The following TRIP13 variants were observed in gnomAD, a reference collection of about 807,000 sequenced individuals.
TRIP13 encodes thyroid hormone receptor interactor 13, also known as pachytene checkpoint protein 2 homolog.
Under a neutral mutation model 54.4 loss-of-function variants are expected in TRIP13, and 25 were observed. That is an observed-to-expected ratio of 0.46 (90% confidence interval 0.33 to 0.64). TRIP13 has a LOEUF of 0.64. Among genes scored for constraint, TRIP13 ranks in the 30% least tolerant of loss-of-function variants. TRIP13 has a pLI of 0.02. For synonymous variants in TRIP13, 207 were observed against 207.8 expected (o/e 1.00, Z 0.03); for missense variants, 373 against 534.2 (o/e 0.70, Z 2.97).
intron 6 of TRIP13, 118 bp downstream of exon 6, chr5:904,338 C>T: frequency 1.3e-6 from 1 of 783,106 alleles, no homozygotes; most frequent in Non-Finnish European, 2.0e-6. Context: ...CACTGTAAGT[C>T]ACTTGATTCC....
At chr5:905,595 A>G (rs915251309) in intron 6 of TRIP13, among the ~76,000 whole-genome samples, 5 of 151,378 alleles carry the variant, frequency 3.3e-5, no homozygotes, top group Non-Finnish European at 7.4e-5. Flanking sequence ...AAGTTAGAGC[A>G]TTTGTAGAGA....
chr5:900,146 G>A (rs1039276068), intron 3 of TRIP13, among the ~76,000 whole-genome samples: 2 of 152,198 alleles, frequency 1.3e-5, no homozygotes, highest in Admixed American at 6.5e-5. Context: ...TATGTTATAC[G>A]TCAATGGAAA....
intron 6 of TRIP13, among the ~76,000 whole-genome samples, chr5:906,347 CCTCA>C (rs1754115353): frequency 6.6e-6 from 1 of 151,516 alleles, no homozygotes; most frequent in Admixed American, 6.6e-5. Flanking sequence ...CAAGACTTTT[CCTCA>C]CTCTATCAAA....
chr5:903,853 C>T (rs540300347), intron 5 of TRIP13, among the ~76,000 whole-genome samples: 17 of 152,212 alleles, frequency 1.1e-4, no homozygotes, highest in Middle Eastern at 3.4e-3. Flanking sequence ...TGTTCATTCC[C>T]GACGCTAAGT....
In TRIP13 at chr5:914,530, T is replaced by G; in HGVS notation, c.1086T>G (p.Ile362Met). 1 of 1,613,782 alleles carries G rather than the reference T, an allele frequency of 6.2e-7. No individual in the cohort carries two copies. Among genetic ancestry groups the G allele is most frequent in the Non-Finnish European group, 8.5e-7 (1 of 1,179,968 alleles). Residue 362 changes from isoleucine to methionine, a missense_variant, in exon 11 of 13, where the codon ATT becomes ATG. Transcript: ENST00000166345. ...GAGAGCTAGAGATGATTGGCTTCAT[T>G]GAAAACAACGTGTCAAAATTGAGCC... is the stretch of plus-strand genomic sequence containing the variant. ...TLRELEMIGF[I>M]ENNVSKLSLL...
rs1289306413 is a variant in TRIP13 at position 912,691 on chromosome 5, C to T, written c.1020+695C>T. ...GGCCGTCGCCATGGGCACAGTGACG[C>T]GTGTGGTGAGTGTGCGTGAGTCTGG... On this transcript the variant is annotated intron_variant, in intron 10 of 12. Coordinates refer to ENST00000166345, the MANE Select transcript of TRIP13 (RefSeq NM_004237.4). The surrounding 1 kb of genome is among the most constrained non-coding windows in gnomAD (Gnocchi z 7.2). Among the ~76,000 whole-genome samples, 1 of 150,974 alleles carries T rather than the reference C, an allele frequency of 6.6e-6. No homozygotes were observed. The highest frequency in any genetic ancestry group is 2.4e-5 in the African/African-American group (1 of 40,948).
chr5:894,080 G>A (rs528075152), intron 1 of TRIP13, among the ~76,000 whole-genome samples: 1 of 152,286 alleles, frequency 6.6e-6, no homozygotes, highest in East Asian at 1.9e-4. Context: ...CACTATGCAT[G>A]GTGGTCGCTG....
chr5:915,916 CCT>C lies in TRIP13; in HGVS notation c.1148_1149del (p.Leu383GlnfsTer40), dbSNP rs1301748820. The C allele has an allele frequency of 6.2e-7, 1 of 1,614,084 alleles. No homozygotes were observed. On this transcript the variant is annotated frameshift_variant, in exon 12 of 13. Coordinates refer to ENST00000166345, the MANE Select transcript of TRIP13 (RefSeq NM_004237.4). LOFTEE classifies it high-confidence loss of function. This position sits in a 1 kb window ranked among gnomAD's most constrained non-coding sequence, Gnocchi z 4.2. ...LNDISRKSEG[L>X]SGRVLRKLPF... ...TTTCTTTACACAGGAAGAGCGAGGG[CCT>C]CAGCGGCCGGGTCCTGAGAAAACTC...
chr5:896,992 G>A (rs541071733), intron 3 of TRIP13, among the ~76,000 whole-genome samples, 198 bp downstream of exon 3: 2 of 152,356 alleles, frequency 1.3e-5, no homozygotes, highest in Admixed American at 6.5e-5. Context: ...CTGTTCCTTT[G>A]GGTGGGTACC....
chr5:911,714 A>G lies in TRIP13; in HGVS notation c.867-129A>G. 8.1e-7 allele frequency: 1 copy of G among 1,236,850 alleles called. No individual in the cohort carries two copies. The highest frequency in any genetic ancestry group is 1.6e-5 in the South Asian group (1 of 62,694). The allele number at this position is 1,236,850 out of a possible 1,614,324, so 76.6% of individuals were successfully genotyped here. ...GGTCTGCGTGGCCTGTGTTGGCACA[A>G]GGCCACTTTCCTTCCTGTTGGCAGC... On this transcript the variant is annotated intron_variant, in intron 9 of 12. Transcript: ENST00000166345. The surrounding 1 kb of genome is among the most constrained non-coding windows in gnomAD (Gnocchi z 4.7).
At chr5:893,621 G>A in intron 1 of TRIP13, 1 of 178,522 alleles carries the variant, frequency 5.6e-6, no homozygotes, top group Non-Finnish European at 1.2e-5. Context: ...GTATGGTGGG[G>A]CCTGTGGGCT....
At chr5:900,354 T>A in intron 3 of TRIP13, 140 bp from the exon 4 acceptor site, 1 of 801,236 alleles carries the variant, frequency 1.2e-6, no homozygotes, top group Non-Finnish European at 2.0e-6. Context: ...GCAGAATTTA[T>A]ACTTTCCTGT....
At chr5:901,885 A>G (rs1753999098) in intron 5 of TRIP13, among the ~76,000 whole-genome samples, 1 of 152,118 alleles carries the variant, frequency 6.6e-6, no homozygotes, top group Non-Finnish European at 1.5e-5. Flanking sequence ...AGCCTCCCAA[A>G]GTGCTGGGAT....
In TRIP13 at chr5:914,514, A is replaced by G; in HGVS notation, c.1070A>G (p.Glu357Gly). ...RQQLLTLREL[E>G]MIGFIENNVS... The stretch of plus-strand genomic sequence containing the variant: ...CAGCTGCTGACCCTCCGAGAGCTAG[A>G]GATGATTGGCTTCATTGAAAACAAC... The change falls in exon 11 of 13, where the codon GAG becomes GGG. Residue 357 changes from glutamate (E) to glycine (G), a missense_variant. Transcript: ENST00000166345. 3.7e-6 allele frequency: 6 copies of G among 1,613,648 alleles called. No homozygotes were observed. Among genetic ancestry groups the G allele is most frequent in the Non-Finnish European group, 5.1e-6 (6 of 1,179,936 alleles).
rs182498284 is a variant in TRIP13, at chr5:913,995, A to G, written c.1021-470A>G. Among the ~76,000 whole-genome samples, 92 of 152,156 alleles carry G rather than the reference A, an allele frequency of 6.0e-4. No individual in the cohort carries two copies. The highest frequency in any genetic ancestry group is 1.0e-3 in the South Asian group (5 of 4,818). ...TGCTCAGCTCCTCGGTCAGTCAGAC[A>G]CTGTCATGCTGCCAAACAAGCCTCA... is the stretch of plus-strand genomic sequence containing the variant. On this transcript the variant is annotated intron_variant, in intron 10 of 12. Coordinates refer to ENST00000166345, the MANE Select transcript of TRIP13 (RefSeq NM_004237.4). This position sits in a 1 kb window ranked among gnomAD's most constrained non-coding sequence, Gnocchi z 4.5.
chr5:902,277 T>G (rs1353205928), intron 5 of TRIP13, among the ~76,000 whole-genome samples: 5 of 152,180 alleles, frequency 3.3e-5, no homozygotes, highest in Non-Finnish European at 5.9e-5. Context: ...TGTAGCCAAG[T>G]GTTAAATAGA....
chr5:910,026 T>G (rs1754197765), intron 9 of TRIP13, among the ~76,000 whole-genome samples: 1 of 152,230 alleles, frequency 6.6e-6, no homozygotes, highest in African/African-American at 2.4e-5. Context: ...TATGGCCAGA[T>G]TTTGGGGGGC....
Position 907,363 on chromosome 5 carries a change from G to A in TRIP13, c.672+170G>A, listed in dbSNP as rs1402233117. Among the ~76,000 whole-genome samples, 1 of 152,212 alleles carries A rather than the reference G, an allele frequency of 6.6e-6. No individual in the cohort carries two copies. Among genetic ancestry groups the A allele is most frequent in the Non-Finnish European group, 1.5e-5 (1 of 68,040 alleles). On this transcript the variant is annotated intron_variant, in intron 7 of 12. Transcript: ENST00000166345. This position sits in a 1 kb window ranked among gnomAD's most constrained non-coding sequence, Gnocchi z 4.1. ...AGGTTCCGGAGCTGGGGCCCTTGGG[G>A]ACCCTCCCTTGGTTCTCCCCAGACC...
intron 6 of TRIP13, among the ~76,000 whole-genome samples, chr5:905,544 T>C (rs981712621): frequency 2.0e-5 from 3 of 152,166 alleles, no homozygotes; most frequent in Admixed American, 2.0e-4. Context: ...CCACTTGGGC[T>C]CCCTCCCGTG....
Sources: gnomAD v4.1 joint callset for allele counts (sites outside exome capture counted in the v4.1 genomes callset) on GRCh38, gnomAD v4.1.1 for gene constraint, Gnocchi (gnomAD v3.1) non-coding constraint, MANE v1.5 for transcripts, NCBI Gene and HGNC (gene_info 2026-07-23, HGNC 2026-07-21) for gene names.